TMEM232: variants seen among roughly 807,000 people sequenced by gnomAD.
TMEM232 encodes the protein transmembrane protein 232.
A neutral mutation model predicts 78.8 loss-of-function variants in TMEM232; 80 were observed. The observed-to-expected ratio is 1.01, with a 90% CI of 0.85 to 1.22. The LOEUF is 1.22. Among genes scored for constraint, TMEM232 ranks in the 50% most tolerant of loss-of-function variants. TMEM232 has a pLI of 0.00. For synonymous variants in TMEM232, 297 were observed against 254.3 expected (o/e 1.17, Z -1.60); for missense variants, 881 against 742.2 (o/e 1.19, Z -2.17).
chr5:110,555,036 G>A (rs771870103), intron 11 of TMEM232, among the ~76,000 whole-genome samples: 41 of 151,858 alleles, frequency 2.7e-4, no homozygotes, highest in Non-Finnish European at 4.7e-4. Context: ...TCTTATTTTG[G>A]TTATTTTCTT....
At chr5:110,708,029 T>C (rs1796113470) in intron 1 of TMEM232, among the ~76,000 whole-genome samples, 1 of 152,164 alleles carries the variant, frequency 6.6e-6, no homozygotes, top group Admixed American at 6.6e-5. Context: ...TATTACGCCA[T>C]GAGCCTTGGG....
At chr5:110,499,273 A>C (rs1417583852) in intron 12 of TMEM232, among the ~76,000 whole-genome samples, 1 of 152,162 alleles carries the variant, frequency 6.6e-6, no homozygotes, top group African/African-American at 2.4e-5. Flanking sequence ...ACTTTTAATA[A>C]AGCCTGTTGT....
chr5:110,452,270 C>T (rs1002977884), intron 12 of TMEM232, among the ~76,000 whole-genome samples: 1 of 152,066 alleles, frequency 6.6e-6, no homozygotes, highest in African/African-American at 2.4e-5. Flanking sequence ...ATTTTGTATA[C>T]AGACAACTGA....
chr5:110,410,228 G>A (rs1755941272), intron 2 of TMEM232, among the ~76,000 whole-genome samples: 1 of 152,106 alleles, frequency 6.6e-6, no homozygotes, highest in Non-Finnish European at 1.5e-5. Context: ...TCATTGTGAA[G>A]GTATAGTTTT....
intron 12 of TMEM232, among the ~76,000 whole-genome samples, chr5:110,500,417 G>C (rs1180261622): frequency 6.6e-6 from 1 of 151,570 alleles, no homozygotes; most frequent in African/African-American, 2.4e-5. Context: ...AGCTTAAAAT[G>C]TCCAAATATT....
chr5:110,388,828 G>A (rs190647510), intron 4 of TMEM232, among the ~76,000 whole-genome samples: 110 of 152,324 alleles, frequency 7.2e-4, no homozygotes, highest in Non-Finnish European at 1.3e-3. Context: ...GGCAGGCAGA[G>A]GCAGAAAACT....
At chr5:110,680,708 A>G (rs1232247139) in intron 1 of TMEM232, among the ~76,000 whole-genome samples, 2 of 151,410 alleles carry the variant, frequency 1.3e-5, no homozygotes, top group African/African-American at 4.9e-5. Flanking sequence ...CTTTTTTTGG[A>G]AAAAAAATAG....
chr5:110,738,249 T>G (rs147877745), upstream of TMEM232: 1 of 1,286,460 alleles, frequency 7.8e-7, no homozygotes, highest in East Asian at 5.6e-5. Flanking sequence ...TGAAAACAGG[T>G]AGTAGGGGAC....
At chr5:110,473,329 A>T (rs1392273401) in intron 12 of TMEM232, among the ~76,000 whole-genome samples, 1 of 151,930 alleles carries the variant, frequency 6.6e-6, no homozygotes, top group Non-Finnish European at 1.5e-5. Flanking sequence ...TTACATAAAA[A>T]TACTCAACAT....
At chr5:110,558,217 G>C (rs1775331000) in intron 11 of TMEM232, among the ~76,000 whole-genome samples, 2 of 152,052 alleles carry the variant, frequency 1.3e-5, no homozygotes, top group Non-Finnish European at 1.5e-5. Flanking sequence ...ATTCTGATGG[G>C]GTATGCCAGC....
At chr5:110,453,432 G>C (rs894682453) in intron 12 of TMEM232, among the ~76,000 whole-genome samples, 2 of 152,000 alleles carry the variant, frequency 1.3e-5, no homozygotes, top group Admixed American at 6.6e-5. Context: ...CTCCTAAGTA[G>C]CTGGGATTAC....
chr5:110,538,269 C>T (rs1772653035), intron 11 of TMEM232, among the ~76,000 whole-genome samples: 1 of 152,124 alleles, frequency 6.6e-6, no homozygotes, highest in South Asian at 2.1e-4. Context: ...TTTCATTAGC[C>T]AATCCACCAC....
rs183475272 is a variant in TMEM232, at chr5:110,409,462, A to G, written n.309-11608T>C. The stretch of plus-strand genomic sequence containing the variant: ...TAAAACACTATCAATTATGGGAAAC[A>G]TCTCAATTTTAAGATGCTAAATTTA... On this transcript the variant is annotated intron_variant and non_coding_transcript_variant, in intron 2 of 8. Transcript: ENST00000507188. 3.8e-3 allele frequency among the ~76,000 whole-genome samples: 573 copies of G among 152,308 alleles called. 5 individuals are homozygous for G. The highest frequency in any genetic ancestry group is 0.013 in the African/African-American group (559 of 41,562).
At chr5:110,639,838 C>T (rs1253238076) in intron 4 of TMEM232, among the ~76,000 whole-genome samples, 1 of 152,232 alleles carries the variant, frequency 6.6e-6, no homozygotes, top group African/African-American at 2.4e-5. Context: ...TCACCATAGG[C>T]TTCACACACC....
At chr5:110,491,334 G>A (rs1286633294) in intron 12 of TMEM232, among the ~76,000 whole-genome samples, 1 of 152,032 alleles carries the variant, frequency 6.6e-6, no homozygotes, top group Admixed American at 6.6e-5. Context: ...CTTTTAACAT[G>A]CATGTGGATA....
At chr5:110,403,110 T>A (rs967418992) in intron 2 of TMEM232, among the ~76,000 whole-genome samples, 2 of 152,076 alleles carry the variant, frequency 1.3e-5, no homozygotes, top group African/African-American at 4.8e-5. Flanking sequence ...ATAGGGCCAT[T>A]TGCAGTCAGC....
chr5:110,696,375 C>T (rs2150249055), intron 1 of TMEM232, among the ~76,000 whole-genome samples: 2 of 152,272 alleles, frequency 1.3e-5, no homozygotes, highest in East Asian at 3.9e-4. Context: ...TGGAAGCATT[C>T]CCTTTGAAAA....
intron 2 of TMEM232, among the ~76,000 whole-genome samples, chr5:110,733,731 G>A (rs1409600516): frequency 1.3e-5 from 2 of 152,138 alleles, no homozygotes; most frequent in African/African-American, 4.8e-5. Context: ...AACCTATTGG[G>A]TGCTAGGCTT....
At chr5:110,654,888 G>A (rs1229710640) in intron 2 of TMEM232, among the ~76,000 whole-genome samples, 2 of 152,070 alleles carry the variant, frequency 1.3e-5, no homozygotes, top group Non-Finnish European at 2.9e-5. Context: ...GGATTCCTAA[G>A]TATTTTATTC....
Sources: gnomAD v4.1 joint callset for allele counts (sites outside exome capture counted in the v4.1 genomes callset) on GRCh38, gnomAD v4.1.1 for gene constraint, MANE v1.5 for transcripts, NCBI Gene and HGNC (gene_info 2026-07-23, HGNC 2026-07-21) for gene names.